The following NAA25 variants were observed in gnomAD, a reference collection of about 807,000 sequenced individuals.
NAA25 encodes N-alpha-acetyltransferase 25, NatB auxiliary subunit, also known as N-terminal acetyltransferase B complex subunit NAA25.
Under a neutral mutation model 132.5 loss-of-function variants are expected in NAA25, and 30 were observed. That is an observed-to-expected ratio of 0.23 (90% CI 0.17 to 0.31). The LOEUF is 0.31. Ranked by LOEUF, NAA25 falls within the 10% of genes least tolerant of loss-of-function variation. The pLI is 1.00. For missense variants in NAA25, 771 were observed against 1,150.4 expected (o/e 0.67, Z 4.77); for synonymous variants, 359 against 401.9 (o/e 0.89, Z 1.28).
intron 4 of NAA25, among the ~76,000 whole-genome samples, chr12:112,086,804 G>C (rs1409078210): frequency 6.6e-6 from 1 of 151,990 alleles, no homozygotes. Flanking sequence ...CTGAGGTCGG[G>C]AGTTTGAGAC....
intron 4 of NAA25, among the ~76,000 whole-genome samples, chr12:112,083,382 G>A (rs1420227798): frequency 6.6e-6 from 1 of 152,156 alleles, no homozygotes; most frequent in Admixed American, 6.5e-5. Context: ...GTGGGTGCCT[G>A]TAATCTCAGC....
chr12:112,075,925 C>T, intron 7 of NAA25, 136 bp from the exon 8 acceptor site: 1 of 637,300 alleles, frequency 1.6e-6, no homozygotes, highest in South Asian at 1.9e-5. Flanking sequence ...TCTTGTCACC[C>T]AGGCTGGAGT....
intron 22 of NAA25, among the ~76,000 whole-genome samples, chr12:112,038,873 G>A (rs948540333): frequency 1.3e-5 from 2 of 152,136 alleles, no homozygotes; most frequent in Admixed American, 1.3e-4. Flanking sequence ...CAGCTACTCG[G>A]GAAGCTGAGG....
chr12:112,065,394 G>A (rs1241453334), intron 11 of NAA25: 3 of 152,204 alleles, frequency 2.0e-5, no homozygotes, highest in Non-Finnish European at 4.4e-5. Flanking sequence ...CAGTTAGTCA[G>A]GAGGCTGAGG....
intron 19 of NAA25, 68 bp downstream of exon 19, chr12:112,043,020 T>C (rs1219745817): frequency 6.2e-6 from 9 of 1,457,480 alleles, no homozygotes; most frequent in Admixed American, 2.2e-5. Flanking sequence ...TGTGAGGTTA[T>C]AGACATTTTA....
chr12:112,048,978 C>T (rs570727766), intron 15 of NAA25, among the ~76,000 whole-genome samples: 3 of 150,900 alleles, frequency 2.0e-5, no homozygotes, highest in Admixed American at 1.3e-4. Context: ...ATGAGCATTA[C>T]GTCAGGATAG....
At chr12:112,045,499 A>C (rs954013757) in intron 17 of NAA25, among the ~76,000 whole-genome samples, 9 of 134,314 alleles carry the variant, frequency 6.7e-5, no homozygotes, top group African/African-American at 1.6e-4. Context: ...AAAAAAAAAA[A>C]AAAAAAAAAT....
intron 17 of NAA25, 86 bp downstream of exon 17, chr12:112,047,579 T>C: frequency 6.8e-7 from 1 of 1,479,534 alleles, no homozygotes; most frequent in Non-Finnish European, 9.2e-7. Context: ...AGTTCGAAGC[T>C]GCAGTGAGCT....
intron 13 of NAA25, among the ~76,000 whole-genome samples, chr12:112,056,166 T>C (rs2078542293): frequency 6.6e-6 from 1 of 152,052 alleles, no homozygotes; most frequent in Non-Finnish European, 1.5e-5. Context: ...AAACCTCTTC[T>C]CTACTAAAAA....
chr12:112,096,803 G>A (rs1183699188), intron 1 of NAA25, among the ~76,000 whole-genome samples: 1 of 152,168 alleles, frequency 6.6e-6, no homozygotes, highest in Non-Finnish European at 1.5e-5. Flanking sequence ...TTCTGAGTCA[G>A]TTCTAAGTCA....
At chr12:112,104,337 G>C (rs2079332946) in intron 1 of NAA25, among the ~76,000 whole-genome samples, 1 of 151,772 alleles carries the variant, frequency 6.6e-6, no homozygotes, top group Admixed American at 6.6e-5. Context: ...AATTTATTAA[G>C]TGCCATACCT....
intron 11 of NAA25, among the ~76,000 whole-genome samples, 187 bp downstream of exon 11, chr12:112,068,693 T>C (rs1392238797): frequency 6.6e-6 from 1 of 152,240 alleles, no homozygotes; most frequent in African/African-American, 2.4e-5. Context: ...TTTACTCCCG[T>C]TGTGACTTAA....
intron 1 of NAA25, among the ~76,000 whole-genome samples, chr12:112,101,449 G>A (rs1450343829): frequency 6.6e-6 from 1 of 152,052 alleles, no homozygotes; most frequent in Non-Finnish European, 1.5e-5. Flanking sequence ...CTAGAAAAAT[G>A]AAAGATATAT....
At chr12:112,088,934 T>C (rs1362702760) in intron 3 of NAA25, among the ~76,000 whole-genome samples, 1 of 152,184 alleles carries the variant, frequency 6.6e-6, no homozygotes, top group Non-Finnish European at 1.5e-5. Flanking sequence ...GTGCATTTTT[T>C]ATCTTTGACT....
At chr12:112,036,239 CT>C (rs1210983071) in intron 22 of NAA25, among the ~76,000 whole-genome samples, 3 of 152,110 alleles carry the variant, frequency 2.0e-5, no homozygotes, top group African/African-American at 7.2e-5. Flanking sequence ...AAAAAGTAAT[CT>C]CAGTTTTTAA....
chr12:112,092,677 C>A (rs1039981390), intron 2 of NAA25, among the ~76,000 whole-genome samples: 3 of 149,390 alleles, frequency 2.0e-5, no homozygotes, highest in Admixed American at 6.8e-5. Flanking sequence ...TCCTTTCTCC[C>A]CCCCCTTTTT....
chr12:112,045,255 G>A (rs1355373294), intron 17 of NAA25, among the ~76,000 whole-genome samples: 2 of 152,136 alleles, frequency 1.3e-5, no homozygotes, highest in African/African-American at 4.8e-5. Context: ...ACTTCGGGAG[G>A]CCGAGGCAGG....
At chr12:112,083,971 T>C (rs1298688787) in intron 4 of NAA25, among the ~76,000 whole-genome samples, 1 of 152,230 alleles carries the variant, frequency 6.6e-6, no homozygotes, top group Non-Finnish European at 1.5e-5. Flanking sequence ...GAGATAAAAA[T>C]ATATAACATT....
Position 112,035,630 on chromosome 12 carries a change from G to A in NAA25, c.2650-2251C>T, listed in dbSNP as rs141391243. The stretch of plus-strand genomic sequence containing the variant: ...GAGCATCCAATCTAAAGAACTCCTG[G>A]ATTTAACTGAATTGTTCAGAAAGTC... On this transcript the variant is annotated intron_variant, in intron 22 of 23. Coordinates refer to ENST00000261745, the MANE Select transcript of NAA25 (RefSeq NM_024953.4). Among the ~76,000 whole-genome samples the A allele has an allele frequency of 9.4e-4, 143 of 151,622 alleles. 1 individual carries two copies. Among genetic ancestry groups the A allele is most frequent in the Non-Finnish European group, 3.7e-4 (25 of 67,920 alleles).
Sources: gnomAD v4.1 joint callset for allele counts (sites outside exome capture counted in the v4.1 genomes callset) on GRCh38, gnomAD v4.1.1 for gene constraint, MANE v1.5 for transcripts, NCBI Gene and HGNC (gene_info 2026-07-23, HGNC 2026-07-21) for gene names.